The following TOP1 variants were observed in gnomAD, a reference collection of about 807,000 sequenced individuals.
TOP1 encodes DNA topoisomerase I.
TOP1 carries 10 observed loss-of-function variants against 111.1 expected under a neutral mutation model. That is an observed-to-expected ratio of 0.09 (90% CI 0.06 to 0.15). TOP1 has a LOEUF of 0.15. TOP1 is among the 10% of genes least tolerant of loss of function. The pLI, the probability that TOP1 is intolerant of heterozygous loss-of-function variation, is 1.00. For synonymous variants in TOP1, 271 were observed against 302.9 expected (o/e 0.89, Z 1.10); for missense variants, 474 against 926.7 (o/e 0.51, Z 6.34).
intron 8 of TOP1, among the ~76,000 whole-genome samples, chr20:41,090,320 A>G (rs115905142): frequency 1.9e-3 from 294 of 151,962 alleles, no homozygotes; most frequent in African/African-American, 6.9e-3. Context: ...CCACCTTAAG[A>G]CTGAGACTTT....
chr20:41,028,955 A>C lies in TOP1; in HGVS notation c.-113A>C. ...CTCGGGCCCACAGTCACCGCCGCTTACCTGCGCCTCCTCGAGCCTCCGGAG... is the reference window on the plus strand; with the variant it reads ...CTCGGGCCCACAGTCACCGCCGCTTCCCTGCGCCTCCTCGAGCCTCCGGAG... On this transcript the variant is annotated 5_prime_UTR_variant, in exon 1 of 21. Coordinates refer to ENST00000361337, the MANE Select transcript of TOP1 (RefSeq NM_003286.4). 1.2e-6 allele frequency: 1 copy of C among 865,412 alleles called. No individual in the cohort carries two copies. The highest frequency in any genetic ancestry group is 1.8e-6 in the Non-Finnish European group (1 of 555,064). 53.6% of individuals were successfully genotyped at this position (865,412 alleles called of 1,614,324 possible).
At chr20:41,119,214 C>T (rs1442263947) in intron 18 of TOP1, among the ~76,000 whole-genome samples, 1 of 152,146 alleles carries the variant, frequency 6.6e-6, no homozygotes, top group Non-Finnish European at 1.5e-5. Flanking sequence ...TGCAGCAATT[C>T]AAATATGAAA....
chr20:41,115,643 A>G lies in TOP1; in HGVS notation c.1707+204A>G, dbSNP rs2034317251. ...ACACATCTGCTGCAGAACAACTGCT[A>G]AAGCACTCAGGGTGGGGGGTAGATG... On this transcript the variant is annotated intron_variant, in intron 16 of 20. Transcript: ENST00000361337. This position sits in a 1 kb window ranked among gnomAD's most constrained non-coding sequence, Gnocchi z 6.3. 6.6e-6 allele frequency among the ~76,000 whole-genome samples: 1 copy of G among 152,186 alleles called. No homozygotes were observed. The highest frequency in any genetic ancestry group is 1.5e-5 in the Non-Finnish European group (1 of 68,028).
chr20:41,117,380 ATTTTTTTTT>A (rs1192075214), intron 17 of TOP1, among the ~76,000 whole-genome samples: 3 of 85,530 alleles, frequency 3.5e-5, no homozygotes, highest in Non-Finnish European at 6.3e-5. Context: ...CTGTGGCTTA[ATTTTTTTTT>A]TTTTTTTTTT....
In TOP1 at chr20:41,098,185, T is replaced by C. The variant is rs1474691358; in HGVS notation, c.853-30T>C. 3 of 1,612,606 alleles carry C rather than the reference T, an allele frequency of 1.9e-6. No individual in the cohort carries two copies. Among genetic ancestry groups the C allele is most frequent in the Non-Finnish European group, 2.5e-6 (3 of 1,178,758 alleles). On this transcript the variant is annotated intron_variant, in intron 10 of 20. Transcript: ENST00000361337. This position sits in a 1 kb window ranked among gnomAD's most constrained non-coding sequence, Gnocchi z 5.7. ...CTTATTAGTGTATTTTCGTTGTTTT[T>C]CTTTCATCTCCCCATTTTCTTTTGA...
rs542945684 is a variant in TOP1, at chr20:41,044,052, G to A, written c.58+14597G>A. 3.3e-5 allele frequency among the ~76,000 whole-genome samples: 5 copies of A among 152,296 alleles called. No homozygotes were observed. In the South Asian group the frequency reaches 1.0e-3, roughly 32 times the overall value. The stretch of plus-strand genomic sequence containing the variant: ...AGCACTTTGGGAGGCCGAGGCAGGC[G>A]GATCACCTGAGGTCGGGAGTTTGAG... On this transcript the variant is annotated intron_variant, in intron 2 of 20. Transcript: ENST00000361337.
At position 41,058,923 on chromosome 20, in the gene TOP1, A is replaced by G. The variant is rs946487407; in HGVS notation, c.59-2471A>G. Among the ~76,000 whole-genome samples, 2 of 152,178 alleles carry G rather than the reference A, an allele frequency of 1.3e-5. No individual in the cohort carries two copies. The highest frequency in any genetic ancestry group is 1.3e-4 in the Admixed American group (2 of 15,276). On this transcript the variant is annotated intron_variant, in intron 2 of 20. Transcript: ENST00000361337. This position sits in a 1 kb window ranked among gnomAD's most constrained non-coding sequence, Gnocchi z 4.2. ...AAACATGGAATCAACCTCAATTTTC[A>G]TTAATGGTAGACTGGATTAAAAAAA...
At position 41,110,160 on chromosome 20, in the gene TOP1, C is replaced by G. The variant is rs1261624578; in HGVS notation, c.1309-2622C>G. Among the ~76,000 whole-genome samples, 2 of 152,130 alleles carry G rather than the reference C, an allele frequency of 1.3e-5. No homozygotes were observed. The highest frequency in any genetic ancestry group is 2.4e-5 in the African/African-American group (1 of 41,432). Reference sequence around the variant, plus strand: ...AAAATTAGCCGAGGGTGGCGCACACCTGTAATCTCAGCTATTCAGGAGGCT... The same window carrying G: ...AAAATTAGCCGAGGGTGGCGCACACGTGTAATCTCAGCTATTCAGGAGGCT... On this transcript the variant is annotated intron_variant, in intron 13 of 20. Transcript: ENST00000361337. The surrounding 1 kb of genome is among the most constrained non-coding windows in gnomAD (Gnocchi z 4.2).
chr20:41,096,425 G>C (rs1164587035), intron 9 of TOP1, among the ~76,000 whole-genome samples: 4 of 152,322 alleles, frequency 2.6e-5, no homozygotes, highest in Non-Finnish European at 5.9e-5. Flanking sequence ...GTCATCCCTT[G>C]TGCTGTGGAT....
At position 41,046,917 on chromosome 20, in the gene TOP1, T is replaced by C. The variant is rs1338586102; in HGVS notation, c.59-14477T>C. Among the ~76,000 whole-genome samples, 1 of 152,202 alleles carries C rather than the reference T, an allele frequency of 6.6e-6. No individual in the cohort carries two copies. The highest frequency in any genetic ancestry group is 2.4e-5 in the African/African-American group (1 of 41,454). On this transcript the variant is annotated intron_variant, in intron 2 of 20. Transcript: ENST00000361337. This position sits in a 1 kb window ranked among gnomAD's most constrained non-coding sequence, Gnocchi z 4.3. ...CTTCAGAGTTCTCATGTGACTCACTTAGTTTTGCAGAGTGAGGTAGATTTT... is the reference window on the plus strand; with the variant it reads ...CTTCAGAGTTCTCATGTGACTCACTCAGTTTTGCAGAGTGAGGTAGATTTT...
rs1337103580 is a variant in TOP1, at chr20:41,115,520, T to C, written c.1707+81T>C. The C allele has an allele frequency of 9.3e-7, 1 of 1,072,132 alleles. No individual in the cohort carries two copies. The highest frequency in any genetic ancestry group is 1.4e-6 in the Non-Finnish European group (1 of 693,722). The allele number at this position is 1,072,132 out of a possible 1,614,324, so 66.4% of individuals were successfully genotyped here. A position where few individuals can be genotyped will look rare whatever the true frequency, so the allele number is the denominator to read the frequency against. On this transcript the variant is annotated intron_variant, in intron 16 of 20. Transcript: ENST00000361337. This position sits in a 1 kb window ranked among gnomAD's most constrained non-coding sequence, Gnocchi z 6.3. ...CCTAAAGGGGAGGGTTGCTGGCAGATGACTTGGGCTCTCCCTTTAGCCTGG... is the reference window on the plus strand; with the variant it reads ...CCTAAAGGGGAGGGTTGCTGGCAGACGACTTGGGCTCTCCCTTTAGCCTGG...
chr20:41,036,832 CTTTTT>C (rs56013409), intron 2 of TOP1, among the ~76,000 whole-genome samples: 2 of 128,234 alleles, frequency 1.6e-5, no homozygotes, highest in African/African-American at 5.9e-5. Context: ...TCCTACTTTT[CTTTTT>C]TTTTTTTTTT....
At chr20:41,044,583 G>T (rs889159171) in intron 2 of TOP1, among the ~76,000 whole-genome samples, 3 of 152,214 alleles carry the variant, frequency 2.0e-5, no homozygotes, top group Non-Finnish European at 1.5e-5. Flanking sequence ...GCTTAGCCAG[G>T]CCTGGGAACC....
Position 41,029,472 on chromosome 20 carries a change from C to A in TOP1, c.58+17C>A. ...GATTGAATGGTGAGTGTGCCCCCTG[C>A]GCCGACTCCGGGGCCCCCCAGCCGC... On this transcript the variant is annotated intron_variant, in intron 2 of 20. Coordinates refer to ENST00000361337, the MANE Select transcript of TOP1 (RefSeq NM_003286.4). The surrounding 1 kb of genome is among the most constrained non-coding windows in gnomAD (Gnocchi z 6.1). 4 of 1,553,840 alleles carry A rather than the reference C, an allele frequency of 2.6e-6. No homozygotes were observed. Among genetic ancestry groups the A allele is most frequent in the Non-Finnish European group, 3.5e-6 (4 of 1,152,014 alleles).
At chr20:41,074,039 T>G (rs1446688901) in intron 3 of TOP1, among the ~76,000 whole-genome samples, 3 of 152,210 alleles carry the variant, frequency 2.0e-5, no homozygotes, top group African/African-American at 7.2e-5. Context: ...GCTGGTAGTA[T>G]AAAAACCAAG....
intron 8 of TOP1, among the ~76,000 whole-genome samples, chr20:41,090,097 C>CTGAGTAGCTGAGATTACAGGCGTGGTG (rs1306288594): frequency 3.3e-4 from 50 of 152,192 alleles, no homozygotes; most frequent in African/African-American, 1.2e-3. Flanking sequence ...CCTCAGCCTC[C>CTGAGTAGCTGAGATTACAGGCGTGGTG]TGAGTAGCTG....
chr20:41,066,779 C>G (rs2033613821), intron 3 of TOP1, among the ~76,000 whole-genome samples: 1 of 152,104 alleles, frequency 6.6e-6, no homozygotes, highest in Non-Finnish European at 1.5e-5. Flanking sequence ...TGGTCTCAAT[C>G]TCCTGACCTC....
At chr20:41,038,423 C>G (rs1166057232) in intron 2 of TOP1, among the ~76,000 whole-genome samples, 1 of 152,152 alleles carries the variant, frequency 6.6e-6, no homozygotes, top group African/African-American at 2.4e-5. Flanking sequence ...AACAACAACA[C>G]CTTTTTCAGA....
intron 3 of TOP1, chr20:41,073,577 A>T: frequency 2.8e-6 from 2 of 718,008 alleles, no homozygotes; most frequent in Admixed American, 6.3e-5. Flanking sequence ...GTATCAATTT[A>T]GTGGAAATAT....
Sources: gnomAD v4.1 joint callset for allele counts (sites outside exome capture counted in the v4.1 genomes callset) on GRCh38, gnomAD v4.1.1 for gene constraint, Gnocchi (gnomAD v3.1) non-coding constraint, MANE v1.5 for transcripts, NCBI Gene and HGNC (gene_info 2026-07-23, HGNC 2026-07-21) for gene names.